The following ASH1L variants were observed in gnomAD, a reference collection of about 807,000 sequenced individuals.
The protein encoded by ASH1L is histone-lysine N-methyltransferase ASH1L.
A neutral mutation model predicts 269.0 loss-of-function variants in ASH1L; 23 were observed. That is an observed-to-expected ratio of 0.09 (90% CI 0.06 to 0.12). The LOEUF is 0.12. ASH1L is among the 10% of genes least tolerant of loss of function. The pLI, the probability that ASH1L is intolerant of heterozygous loss-of-function variation, is 1.00. For synonymous variants in ASH1L, 1,187 were observed against 1,253.5 expected (o/e 0.95, Z 1.12); for missense variants, 2,912 against 3,567.8 (o/e 0.82, Z 4.68).
Position 155,439,197 on chromosome 1 carries a change from A to G in ASH1L, c.5087-129T>C, listed in dbSNP as rs1400348307. 18 of 1,004,618 alleles carry G rather than the reference A, an allele frequency of 1.8e-5. No homozygotes were observed. In the African/African-American group the frequency reaches 2.4e-4, roughly 14 times the overall value. The allele number at this position is 1,004,618 out of a possible 1,614,324, so 62.2% of individuals were successfully genotyped here. A position where few individuals can be genotyped will look rare whatever the true frequency, so the allele number is the denominator to read the frequency against. On this transcript the variant is annotated intron_variant, in intron 4 of 27. Coordinates refer to ENST00000392403, the MANE Select transcript of ASH1L (RefSeq NM_018489.3). ...AAGATTACACATCATAGGTAAATTG[A>G]TGGTTTACTTTCCTGAAAAAGGTTA...
chr1:155,552,583 T>C (rs1307336089), intron 1 of ASH1L, among the ~76,000 whole-genome samples: 4 of 152,054 alleles, frequency 2.6e-5, no homozygotes, highest in Admixed American at 6.6e-5. Flanking sequence ...GAGGCAGAGC[T>C]TGCAGTGAGC....
chr1:155,513,911 T>C (rs1668334803), intron 2 of ASH1L, among the ~76,000 whole-genome samples: 1 of 152,154 alleles, frequency 6.6e-6, no homozygotes, highest in Non-Finnish European at 1.5e-5. Flanking sequence ...GAATCTGACA[T>C]ATCCATAGAA....
At chr1:155,557,694 T>C (rs2148926250) in intron 1 of ASH1L, among the ~76,000 whole-genome samples, 1 of 152,258 alleles carries the variant, frequency 6.6e-6, no homozygotes, top group South Asian at 2.1e-4. Context: ...AAGACTATTA[T>C]TAACTATGAT....
In ASH1L at chr1:155,521,284, T is replaced by A; in HGVS notation, c.236A>T (p.Asn79Ile). 1 of 1,614,162 alleles carries A rather than the reference T, an allele frequency of 6.2e-7. No homozygotes were observed. ...CAATTTTAAATTTCCCTCTGAAAAG[T>A]TTGTTTCTTTCACTGAAAACTGTTG... ...AQQQFSVKET[N>I]FSEGNLKLKI... Residue 79 changes from asparagine to isoleucine, a missense_variant, in exon 2 of 28, where the codon AAC becomes ATC. Coordinates refer to ENST00000392403, the MANE Select transcript of ASH1L (RefSeq NM_018489.3).
At position 155,378,293 on chromosome 1, in the gene ASH1L, T is replaced by C; in HGVS notation, c.6320A>G (p.Asp2107Gly). Reference sequence around the variant, plus strand: ...AGCATGACAGTACCTATTGAGGCAGTCATCAACACAGCCCTTCCTGGTGTC... The same window carrying C: ...AGCATGACAGTACCTATTGAGGCAGCCATCAACACAGCCCTTCCTGGTGTC... ...DDDTRKGCVD[D>G]CLNRMIFAEC... The change falls in exon 10 of 28, where the codon GAC becomes GGC. Residue 2107 changes from aspartate (D) to glycine (G), a missense_variant. Coordinates refer to ENST00000392403, the MANE Select transcript of ASH1L (RefSeq NM_018489.3). The C allele has an allele frequency of 6.2e-7, 1 of 1,613,898 alleles. No individual in the cohort carries two copies. The highest frequency in any genetic ancestry group is 8.5e-7 in the Non-Finnish European group (1 of 1,179,756).
chr1:155,514,776 T>C (rs749348665), intron 2 of ASH1L, among the ~76,000 whole-genome samples: 1 of 152,142 alleles, frequency 6.6e-6, no homozygotes. Flanking sequence ...AGTGGCTGGC[T>C]GTCAGAAGCT....
In ASH1L at chr1:155,415,898, G is replaced by A; in HGVS notation, c.5854C>T (p.Pro1952Ser). Residue 1952 changes from proline to serine, a missense_variant, in exon 6 of 28, where the codon CCC becomes TCC. This residue lies in a region of ASH1L where 193 missense variants were observed against 311.6 expected (regional missense o/e 0.62). Coordinates refer to ENST00000392403, the MANE Select transcript of ASH1L (RefSeq NM_018489.3). ...TTAGCTGGGGTTTCAGAAGGACTGG[G>A]AATCTCAACTGGTGCTTCATTAAAG... is the stretch of plus-strand genomic sequence containing the variant. ...KSFNEAPVEIPSPSETPAKPS... is the reference protein window; with the variant it reads ...KSFNEAPVEISSPSETPAKPS... The A allele has an allele frequency of 6.3e-7, 1 of 1,597,200 alleles. No individual in the cohort carries two copies. The highest frequency in any genetic ancestry group is 1.1e-5 in the South Asian group (1 of 87,690).
chr1:155,508,904 CAAAATAGAG>C (rs1226037956), intron 2 of ASH1L, among the ~76,000 whole-genome samples: 3 of 152,048 alleles, frequency 2.0e-5, no homozygotes, highest in Non-Finnish European at 4.4e-5. Context: ...GCGCTAGGGG[CAAAATAGAG>C]ACCCCAGGAA....
intron 24 of ASH1L, among the ~76,000 whole-genome samples, chr1:155,342,504 G>A (rs926573293): frequency 1.3e-5 from 2 of 152,184 alleles, no homozygotes; most frequent in African/African-American, 4.8e-5. Context: ...GTATCACACA[G>A]AACTGCAAGC....
intron 4 of ASH1L, among the ~76,000 whole-genome samples, chr1:155,448,056 G>A (rs1043793473): frequency 6.6e-6 from 1 of 152,162 alleles, no homozygotes; most frequent in African/African-American, 2.4e-5. Context: ...AGAGACAGGG[G>A]TCAAGTTTTT....
chr1:155,544,251 GT>G (rs1670640070), intron 1 of ASH1L, among the ~76,000 whole-genome samples: 1 of 150,372 alleles, frequency 6.7e-6, no homozygotes, highest in Admixed American at 6.6e-5. Flanking sequence ...GTATCTGAAT[GT>G]TCATGACTAT....
At chr1:155,535,037 A>G (rs1321284176) in intron 1 of ASH1L, among the ~76,000 whole-genome samples, 45 of 152,120 alleles carry the variant, frequency 3.0e-4, no homozygotes, top group Admixed American at 2.9e-3. Flanking sequence ...AAAAATACAA[A>G]AATTAGCGGG....
chr1:155,447,670 G>A (rs1298857916), intron 4 of ASH1L, among the ~76,000 whole-genome samples: 1 of 152,158 alleles, frequency 6.6e-6, no homozygotes, highest in Non-Finnish European at 1.5e-5. Context: ...CTTCTTTTGA[G>A]AAATATCTCT....
intron 2 of ASH1L, among the ~76,000 whole-genome samples, chr1:155,485,328 T>A (rs1666269260): frequency 2.6e-5 from 4 of 152,078 alleles, no homozygotes; most frequent in Admixed American, 2.6e-4. Flanking sequence ...TATTTTTATT[T>A]TTTTTTAAGA....
intron 2 of ASH1L, among the ~76,000 whole-genome samples, chr1:155,490,604 C>T (rs1301962872): frequency 7.5e-6 from 1 of 133,934 alleles, no homozygotes; most frequent in Non-Finnish European, 1.6e-5. Flanking sequence ...GGCTACACAG[C>T]CAGACTACGT....
chr1:155,525,424 T>A (rs552508859), intron 1 of ASH1L, among the ~76,000 whole-genome samples: 2 of 151,862 alleles, frequency 1.3e-5, no homozygotes, highest in South Asian at 4.2e-4. Flanking sequence ...CTAATTTCCA[T>A]GAATAATGAT....
chr1:155,475,732 G>A (rs1665487703), intron 3 of ASH1L, among the ~76,000 whole-genome samples: 1 of 152,178 alleles, frequency 6.6e-6, no homozygotes, highest in Non-Finnish European at 1.5e-5. Context: ...ACCAGTAAAT[G>A]AATGAATAAT....
intron 16 of ASH1L, 96 bp from the exon 17 acceptor site, chr1:155,352,954 C>A: frequency 8.2e-7 from 1 of 1,225,542 alleles, no homozygotes; most frequent in Non-Finnish European, 1.1e-6. Flanking sequence ...TCTATTTTCC[C>A]CTGAAGTGAT....
intron 7 of ASH1L, among the ~76,000 whole-genome samples, chr1:155,386,779 C>T (rs956452273): frequency 2.6e-5 from 4 of 152,036 alleles, no homozygotes; most frequent in Non-Finnish European, 5.9e-5. Context: ...AAGCAGTTTG[C>T]AAAATTTTTC....
Sources: gnomAD v4.1 joint callset for allele counts (sites outside exome capture counted in the v4.1 genomes callset) on GRCh38, gnomAD v4.1.1 for gene constraint, gnomAD v4.1.1 regional missense constraint, MANE v1.5 for transcripts, NCBI Gene and HGNC (gene_info 2026-07-23, HGNC 2026-07-21) for gene names.